The following STX2 variants were observed in gnomAD, a reference collection of about 807,000 sequenced individuals.
STX2 encodes the protein syntaxin 2.
STX2 carries 27 observed loss-of-function variants against 40.6 expected under a neutral mutation model. That is an observed-to-expected ratio of 0.66 (90% CI 0.49 to 0.92). The LOEUF is 0.92. STX2 is among the 40% of genes least tolerant of loss of function. The pLI, the probability that STX2 is intolerant of heterozygous loss-of-function variation, is 0.00. For synonymous variants in STX2, 123 were observed against 119.1 expected, an observed-to-expected ratio of 1.03 and a Z score of -0.22; for missense variants, 328 against 366.1, an observed-to-expected ratio of 0.90 and a Z score of 0.85.
chr12:130,803,453 T>C (rs1357036773), intron 6 of STX2, among the ~76,000 whole-genome samples: 2 of 151,992 alleles, frequency 1.3e-5, no homozygotes, highest in Admixed American at 1.3e-4. Flanking sequence ...TAAAATATAA[T>C]CATCAAAACT....
Position 130,821,588 on chromosome 12 carries a change from C to G in STX2, c.205+101G>C. 3.2e-6 allele frequency: 3 copies of G among 949,408 alleles called. No homozygotes were observed. The South Asian group carries it at 4.4e-5, about 14-fold the overall frequency. The allele number at this position is 949,408 out of a possible 1,614,324, so 58.8% of individuals were successfully genotyped here. ...AGGGTGTCAGCATTTCATACAAACT[C>G]CCCTGAATCTCCCGTGAGGCCAGAG... On this transcript the variant is annotated intron_variant, in intron 3 of 10. Transcript: ENST00000392373.
At chr12:130,796,170 T>A (rs752285438) in intron 9 of STX2, 50 bp from the exon 10 acceptor site, 23 of 1,607,338 alleles carry the variant, frequency 1.4e-5, no homozygotes, top group Non-Finnish European at 1.7e-6. Flanking sequence ...AATTTCATAT[T>A]GCCACATTAA....
intron 10 of STX2, among the ~76,000 whole-genome samples, chr12:130,795,036 C>T (rs1470207440): frequency 6.6e-6 from 1 of 152,222 alleles, no homozygotes; most frequent in Non-Finnish European, 1.5e-5. Context: ...GGGGAAACCA[C>T]AAAGCCTGCT....
At chr12:130,799,619 T>A (rs1444465715) in intron 8 of STX2, among the ~76,000 whole-genome samples, 1 of 152,108 alleles carries the variant, frequency 6.6e-6, no homozygotes, top group Non-Finnish European at 1.5e-5. Flanking sequence ...CCCTGCCCTC[T>A]GTGTAGCTGT....
At chr12:130,836,120 T>C (rs1475554720) in intron 1 of STX2, among the ~76,000 whole-genome samples, 2 of 147,286 alleles carry the variant, frequency 1.4e-5, no homozygotes, top group Non-Finnish European at 3.0e-5. Flanking sequence ...CTCTAAGAAC[T>C]ACTGGGAAAG....
intron 10 of STX2, 97 bp downstream of exon 10, chr12:130,795,898 C>G (rs1951014492): frequency 7.0e-7 from 1 of 1,422,030 alleles, no homozygotes; most frequent in Non-Finnish European, 9.3e-7. Flanking sequence ...GCGTGGCTGG[C>G]AAGCTTTTAT....
chr12:130,828,609 G>A (rs1389152158), intron 1 of STX2, among the ~76,000 whole-genome samples: 1 of 151,678 alleles, frequency 6.6e-6, no homozygotes, highest in Non-Finnish European at 1.5e-5. Flanking sequence ...GCTCACACCT[G>A]TAATCCCAGA....
intron 6 of STX2, among the ~76,000 whole-genome samples, chr12:130,805,579 C>A (rs149768502): frequency 6.6e-6 from 1 of 152,210 alleles, no homozygotes; most frequent in Non-Finnish European, 1.5e-5. Context: ...CGCTGCCAGG[C>A]AGACGAGGGT....
In STX2 at chr12:130,795,881, C is replaced by T. The variant is rs947497976; in HGVS notation, c.*45+114G>A. The T allele has an allele frequency of 4.6e-6, 6 of 1,299,630 alleles. No homozygotes were observed. The African/African-American group carries it at 9.0e-5, about 19-fold the overall frequency. 80.5% of individuals were successfully genotyped at this position (1,299,630 alleles called of 1,614,324 possible). On this transcript the variant is annotated intron_variant, in intron 10 of 10. Transcript: ENST00000392373. Reference sequence around the variant, plus strand: ...CAGATGTATCACTAGATGGCATTATCTGTACTGCGTGGCTGGCAAGCTTTT... The same window carrying T: ...CAGATGTATCACTAGATGGCATTATTTGTACTGCGTGGCTGGCAAGCTTTT...
At chr12:130,820,048 G>A (rs573606404) in intron 3 of STX2, among the ~76,000 whole-genome samples, 5 of 152,134 alleles carry the variant, frequency 3.3e-5, no homozygotes, top group South Asian at 4.1e-4. Context: ...TTCAACGTAC[G>A]GCTACACTAA....
At chr12:130,833,757 T>C (rs1291508628) in intron 1 of STX2, among the ~76,000 whole-genome samples, 1 of 152,170 alleles carries the variant, frequency 6.6e-6, no homozygotes, top group Non-Finnish European at 1.5e-5. Flanking sequence ...AGCTGATGGG[T>C]TTCTGTCCCT....
In STX2 at chr12:130,812,919, C is replaced by G. The variant is rs368151164; in HGVS notation, c.280+38G>C. ...GAAAAAAATAACAAATACCCATACTCCCAACATCAATAATTAAACATAAAA... is the reference window on the plus strand; with the variant it reads ...GAAAAAAATAACAAATACCCATACTGCCAACATCAATAATTAAACATAAAA... On this transcript the variant is annotated intron_variant, in intron 4 of 10. Transcript: ENST00000392373. 4.4e-6 allele frequency: 6 copies of G among 1,372,340 alleles called. No homozygotes were observed. The African/African-American group carries it at 7.4e-5, about 17-fold the overall frequency. 85.0% of individuals were successfully genotyped at this position (1,372,340 alleles called of 1,614,324 possible).
In STX2 at chr12:130,808,647, C is replaced by T. The variant is rs764507390; in HGVS notation, c.338G>A (p.Arg113Gln). ...ATAGCAAACCTGGGTTCTTCGTATC[C>T]GAAGATCCACTGAAGTCCGGTTCCC... ...ESGNRTSVDLRIRRTQHSVLS... is the reference protein window; with the variant it reads ...ESGNRTSVDLQIRRTQHSVLS... The change falls in exon 5 of 11, where the codon CGG becomes CAG. Residue 113 changes from arginine to glutamine, a missense_variant. Coordinates refer to ENST00000392373, the MANE Select transcript of STX2 (RefSeq NM_194356.4). The T allele has an allele frequency of 1.2e-5, 20 of 1,613,240 alleles. No homozygotes were observed. The Admixed American group carries it at 1.5e-4, about 12-fold the overall frequency.
At chr12:130,812,048 T>C (rs1031690453) in intron 4 of STX2, 2 of 237,456 alleles carry the variant, frequency 8.4e-6, no homozygotes, top group African/African-American at 2.4e-5. Flanking sequence ...GCAGATTCTG[T>C]AGGACAAATG....
chr12:130,821,545 A>C, intron 3 of STX2, 144 bp downstream of exon 3: 1 of 653,164 alleles, frequency 1.5e-6, no homozygotes, highest in Non-Finnish European at 2.6e-6. Flanking sequence ...GCCCCAGGCC[A>C]AACGCCTCAG....
intron 10 of STX2, among the ~76,000 whole-genome samples, chr12:130,795,687 C>CCATGAT (rs1411960684): frequency 6.6e-6 from 1 of 152,198 alleles, no homozygotes; most frequent in Non-Finnish European, 1.5e-5. Flanking sequence ...CTGCAGTGAG[C>CCATGAT]CATGATCACG....
chr12:130,799,022 T>A (rs1445523732), intron 8 of STX2, among the ~76,000 whole-genome samples: 1 of 152,240 alleles, frequency 6.6e-6, no homozygotes, highest in African/African-American at 2.4e-5. Flanking sequence ...AAGAATGACA[T>A]CTTTTCCACA....
Position 130,831,389 on chromosome 12 carries a change from G to A in STX2, c.31-4122C>T, listed in dbSNP as rs73459510. Among the ~76,000 whole-genome samples, 674 of 152,356 alleles carry A rather than the reference G, an allele frequency of 4.4e-3. 10 individuals are homozygous for A. The highest frequency in any genetic ancestry group is 0.016 in the African/African-American group (649 of 41,582). ...TTAAACATAGGTAAAAGCTGGCCGG[G>A]TGCGGCAGCTCATGCCTGTAATCCC... On this transcript the variant is annotated intron_variant, in intron 1 of 10. Coordinates refer to ENST00000392373, the MANE Select transcript of STX2 (RefSeq NM_194356.4).
At chr12:130,809,324 T>C (rs1951559036) in intron 4 of STX2, among the ~76,000 whole-genome samples, 1 of 151,562 alleles carries the variant, frequency 6.6e-6, no homozygotes, top group African/African-American at 2.4e-5. Context: ...ACTTTAAAAC[T>C]GGGTACCACT....
Sources: allele counts gnomAD v4.1 joint callset (sites outside exome capture counted in the v4.1 genomes callset), GRCh38; gene constraint gnomAD v4.1.1; transcripts MANE v1.5; gene names NCBI Gene and HGNC (gene_info 2026-07-23, HGNC 2026-07-21).